Variants in CTNNA3 observed in about 807,000 individuals in gnomAD.
CTNNA3 encodes catenin alpha 3.
CTNNA3 carries 76 observed loss-of-function variants against 95.7 expected under a neutral mutation model. That is an observed-to-expected ratio of 0.79 (90% CI 0.66 to 0.96). CTNNA3 has a LOEUF of 0.96. CTNNA3 is among the 40% of genes least tolerant of loss of function. The probability of loss-of-function intolerance (pLI) is 0.00; values close to 1 mark genes in which losing one functional copy is unlikely to be tolerated. For missense variants in CTNNA3, 1,191 were observed against 1,089.8 expected (o/e 1.09, Z -1.31); for synonymous variants, 431 against 374.4 (o/e 1.15, Z -1.74).
At chr10:66,610,586 T>A (rs1292652180) in intron 10 of CTNNA3, among the ~76,000 whole-genome samples, 1 of 151,994 alleles carries the variant, frequency 6.6e-6, no homozygotes, top group Non-Finnish European at 1.5e-5. Context: ...TGAGATACAA[T>A]CTCAGGCCAG....
At chr10:67,070,549 C>T (rs1474272052) in intron 7 of CTNNA3, among the ~76,000 whole-genome samples, 4 of 152,006 alleles carry the variant, frequency 2.6e-5, no homozygotes, top group African/African-American at 9.7e-5. Context: ...GAGATCGAGA[C>T]CATCTTGGCC....
intron 15 of CTNNA3, among the ~76,000 whole-genome samples, chr10:66,028,746 TA>T (rs1047175075): frequency 1.3e-5 from 2 of 151,314 alleles, no homozygotes; most frequent in African/African-American, 2.4e-5. Context: ...AAGTATAATT[TA>T]AAAAAAAGGG....
At chr10:66,006,935 C>A (rs1322047349) in intron 15 of CTNNA3, among the ~76,000 whole-genome samples, 1 of 152,138 alleles carries the variant, frequency 6.6e-6, no homozygotes, top group African/African-American at 2.4e-5. Context: ...AGAGTTAGTT[C>A]AAGGGTCTGC....
intron 7 of CTNNA3, among the ~76,000 whole-genome samples, chr10:66,985,943 G>C (rs1250892829): frequency 6.6e-6 from 1 of 152,040 alleles, no homozygotes; most frequent in Admixed American, 6.6e-5. Flanking sequence ...GGCCAGGATG[G>C]TCTCGATCTC....
At chr10:66,356,832 C>T (rs980925432) in intron 12 of CTNNA3, among the ~76,000 whole-genome samples, 4 of 151,892 alleles carry the variant, frequency 2.6e-5, no homozygotes, top group South Asian at 2.1e-4. Context: ...ATTGGAAGTT[C>T]GTTGAATGCT....
At chr10:66,541,535 C>T (rs1041932996) in intron 10 of CTNNA3, among the ~76,000 whole-genome samples, 1 of 152,100 alleles carries the variant, frequency 6.6e-6, no homozygotes, top group Admixed American at 6.6e-5. Flanking sequence ...AATTCCTTTA[C>T]TAATCTATTA....
intron 7 of CTNNA3, among the ~76,000 whole-genome samples, chr10:67,091,826 C>G (rs1857663842): frequency 6.6e-6 from 1 of 151,894 alleles, no homozygotes; most frequent in African/African-American, 2.4e-5. Context: ...AATAAGTATT[C>G]CCTAGAACAA....
At chr10:67,414,848 C>T (rs374680391) in intron 5 of CTNNA3, among the ~76,000 whole-genome samples, 15 of 152,158 alleles carry the variant, frequency 9.9e-5, no homozygotes, top group Admixed American at 6.5e-4. Context: ...ATCATATTTG[C>T]GTTTGTTGCA....
intron 9 of CTNNA3, among the ~76,000 whole-genome samples, chr10:66,637,009 A>T (rs190534423): frequency 6.6e-6 from 1 of 152,184 alleles, no homozygotes; most frequent in Non-Finnish European, 1.5e-5. Context: ...AAAAGTCTTA[A>T]AGAAAGACAA....
At chr10:67,534,397 C>G (rs1840427854) in intron 4 of CTNNA3, among the ~76,000 whole-genome samples, 1 of 151,976 alleles carries the variant, frequency 6.6e-6, no homozygotes, top group Non-Finnish European at 1.5e-5. Flanking sequence ...AAGCAGGGGC[C>G]AAGTGGAGTG....
At chr10:66,563,907 C>A (rs893793059) in intron 10 of CTNNA3, among the ~76,000 whole-genome samples, 1 of 152,094 alleles carries the variant, frequency 6.6e-6, no homozygotes, top group African/African-American at 2.4e-5. Flanking sequence ...GCCACCTCCC[C>A]ACTTTGAGTT....
At chr10:66,102,304 A>T (rs1355018834) in intron 14 of CTNNA3, among the ~76,000 whole-genome samples, 1 of 152,188 alleles carries the variant, frequency 6.6e-6, no homozygotes, top group Non-Finnish European at 1.5e-5. Context: ...ACTAACAGTT[A>T]TTGAGAAGTT....
intron 13 of CTNNA3, among the ~76,000 whole-genome samples, chr10:66,187,331 C>A (rs1261091701): frequency 2.7e-5 from 4 of 150,790 alleles, no homozygotes; most frequent in Non-Finnish European, 5.9e-5. Flanking sequence ...AACAACAAGG[C>A]AACCACAAAA....
intron 10 of CTNNA3, among the ~76,000 whole-genome samples, chr10:66,606,693 T>C (rs1738365790): frequency 6.6e-6 from 1 of 152,102 alleles, no homozygotes; most frequent in Non-Finnish European, 1.5e-5. Flanking sequence ...ATAATGAAAT[T>C]AAGGCAGAAA....
chr10:66,976,683 C>T (rs184745834), intron 7 of CTNNA3, among the ~76,000 whole-genome samples: 2 of 152,302 alleles, frequency 1.3e-5, no homozygotes, highest in East Asian at 3.9e-4. Context: ...TTTTCTGCCA[C>T]ACTGATCTAT....
chr10:66,856,951 T>C (rs898729866), intron 7 of CTNNA3, among the ~76,000 whole-genome samples: 1 of 152,160 alleles, frequency 6.6e-6, no homozygotes, highest in Non-Finnish European at 1.5e-5. Context: ...GCAATTGCTT[T>C]TGGCATTTTT....
chr10:67,544,352 C>CA (rs1389404409), intron 3 of CTNNA3, among the ~76,000 whole-genome samples: 4 of 151,194 alleles, frequency 2.6e-5, no homozygotes, highest in African/African-American at 4.9e-5. Context: ...AGAAATGGAC[C>CA]AAAAAAAACA....
chr10:66,580,771 G>A (rs1843157940), intron 10 of CTNNA3, among the ~76,000 whole-genome samples: 1 of 151,760 alleles, frequency 6.6e-6, no homozygotes, highest in Non-Finnish European at 1.5e-5. Flanking sequence ...CCTGGTGAGG[G>A]TAATCTTTAG....
chr10:66,188,578 G>GT (rs143326401), intron 13 of CTNNA3, among the ~76,000 whole-genome samples: 54,877 of 125,704 alleles, frequency 0.44, 11,028 homozygotes, highest in South Asian at 0.57. Flanking sequence ...GTGTGTGTGT[G>GT]GGGGGAGGGG....
Sources: allele counts gnomAD v4.1 joint callset (sites outside exome capture counted in the v4.1 genomes callset), GRCh38; gene constraint gnomAD v4.1.1; transcripts MANE v1.5; gene names NCBI Gene and HGNC (gene_info 2026-07-23, HGNC 2026-07-21).